NKAIN3: variants seen among roughly 807,000 people sequenced by gnomAD.
NKAIN3 encodes sodium/potassium-transporting ATPase subunit beta-1-interacting protein 3.
A neutral mutation model predicts 30.2 loss-of-function variants in NKAIN3; 25 were observed. That is an observed-to-expected ratio of 0.83 (90% CI 0.60 to 1.16). The LOEUF (loss-of-function observed/expected upper bound fraction) is 1.16, where lower values mean the gene tolerates loss of function less well. Ranked by LOEUF, NKAIN3 falls within the 50% of genes most tolerant of loss-of-function variation. The probability of loss-of-function intolerance (pLI) is 0.00; values close to 1 mark genes in which losing one functional copy is unlikely to be tolerated. For missense variants in NKAIN3, 225 were observed against 254.1 expected, an observed-to-expected ratio of 0.89 and a Z score of 0.78; for synonymous variants, 91 against 89.6, an observed-to-expected ratio of 1.02 and a Z score of -0.09.
intron 4 of NKAIN3, among the ~76,000 whole-genome samples, chr8:62,788,528 G>A (rs1022883780): frequency 2.0e-5 from 3 of 152,052 alleles, no homozygotes; most frequent in African/African-American, 7.2e-5. Flanking sequence ...TGCAGAGGCC[G>A]TTTAGTTTAA....
chr8:62,765,589 T>C (rs1301084970), intron 4 of NKAIN3, among the ~76,000 whole-genome samples: 2 of 152,206 alleles, frequency 1.3e-5, no homozygotes, highest in Non-Finnish European at 2.9e-5. Flanking sequence ...TAAGAAAGGA[T>C]GAGTCAACAA....
At chr8:62,676,260 C>A (rs1035193148) in intron 3 of NKAIN3, among the ~76,000 whole-genome samples, 3 of 152,316 alleles carry the variant, frequency 2.0e-5, no homozygotes, top group Admixed American at 1.3e-4. Flanking sequence ...TAGCTTAGAA[C>A]AGGACAGATA....
intron 3 of NKAIN3, among the ~76,000 whole-genome samples, chr8:62,634,732 A>T (rs1812072709): frequency 6.6e-6 from 1 of 152,104 alleles, no homozygotes; most frequent in South Asian, 2.1e-4. Context: ...TGTGGTGAAA[A>T]TTCTCCAAAA....
intron 1 of NKAIN3, among the ~76,000 whole-genome samples, chr8:62,291,278 A>T (rs963571397): frequency 7.2e-5 from 11 of 152,108 alleles, no homozygotes; most frequent in African/African-American, 2.4e-4. Context: ...GACTTCTGCT[A>T]GCTTTTGAAT....
rs932727403 is a variant in NKAIN3, at chr8:62,925,496, G to C, written c.532+6983G>C. Among the ~76,000 whole-genome samples the C allele has an allele frequency of 1.9e-4, 29 of 152,300 alleles. 1 individual carries two copies. Among genetic ancestry groups the C allele is most frequent in the Middle Eastern group, 6.8e-3 (2 of 294 alleles). On this transcript the variant is annotated intron_variant, in intron 5 of 6. Coordinates refer to ENST00000623646, the MANE Select transcript of NKAIN3 (RefSeq NM_001304533.3). ...ACATTATCTGGAAATTTTCTGGAGA[G>C]AAGGTGTAGCTTGTTTTGCCAAAAA...
At chr8:62,341,318 GAT>G in intron 1 of NKAIN3, among the ~76,000 whole-genome samples, 1 of 152,190 alleles carries the variant, frequency 6.6e-6, no homozygotes, top group East Asian at 1.9e-4. Context: ...TCAAGAAGGT[GAT>G]ATGAGTTCCC....
chr8:62,576,593 TA>T (rs1347830905), intron 1 of NKAIN3, among the ~76,000 whole-genome samples: 1 of 152,136 alleles, frequency 6.6e-6, no homozygotes, highest in Non-Finnish European at 1.5e-5. Context: ...GGTGTGCAGG[TA>T]AAAATTTAAC....
At chr8:62,904,817 A>T (rs1248227052) in intron 4 of NKAIN3, among the ~76,000 whole-genome samples, 1 of 152,232 alleles carries the variant, frequency 6.6e-6, no homozygotes, top group Non-Finnish European at 1.5e-5. Flanking sequence ...TCATCCTGAA[A>T]GAGCTTCATA....
At chr8:62,451,715 AG>A (rs1177071622) in intron 1 of NKAIN3, among the ~76,000 whole-genome samples, 3 of 152,214 alleles carry the variant, frequency 2.0e-5, no homozygotes, top group Non-Finnish European at 4.4e-5. Flanking sequence ...TAATTATCAA[AG>A]AGTTTTCTTG....
chr8:62,369,226 T>G (rs1343600976), intron 1 of NKAIN3, among the ~76,000 whole-genome samples: 1 of 152,126 alleles, frequency 6.6e-6, no homozygotes, highest in Admixed American at 6.6e-5. Flanking sequence ...TCTGTTGTTT[T>G]TGTGGCAAGC....
At chr8:62,800,378 C>A (rs1818015766) in intron 4 of NKAIN3, among the ~76,000 whole-genome samples, 2 of 152,128 alleles carry the variant, frequency 1.3e-5, no homozygotes, top group Middle Eastern at 3.2e-3. Context: ...TATTCTAGGA[C>A]TCTGGAGTAA....
intron 3 of NKAIN3, among the ~76,000 whole-genome samples, chr8:62,707,779 C>T (rs1814581533): frequency 6.6e-6 from 1 of 151,996 alleles, no homozygotes; most frequent in Admixed American, 6.6e-5. Flanking sequence ...CTTTTGGGTC[C>T]TCCATCATGA....
chr8:62,694,651 C>T (rs1814095650), intron 3 of NKAIN3, among the ~76,000 whole-genome samples: 1 of 152,150 alleles, frequency 6.6e-6, no homozygotes, highest in Non-Finnish European at 1.5e-5. Context: ...CTTACCTGGA[C>T]TGCCCTGATC....
At chr8:62,426,441 AC>A (rs1387974206) in intron 1 of NKAIN3, among the ~76,000 whole-genome samples, 1 of 152,008 alleles carries the variant, frequency 6.6e-6, no homozygotes, top group Non-Finnish European at 1.5e-5. Flanking sequence ...ATCTTAAACT[AC>A]TGGAGTATTT....
Position 62,870,673 on chromosome 8 carries a change from CTATA to C in NKAIN3, c.472-47776_472-47773del, listed in dbSNP as rs1382021461. 7.6e-5 allele frequency among the ~76,000 whole-genome samples: 10 copies of C among 130,952 alleles called. No individual in the cohort carries two copies. In the South Asian group the frequency reaches 2.4e-3, roughly 31 times the overall value. 85.9% of individuals were successfully genotyped at this position (130,952 alleles called of 152,430 possible). On this transcript the variant is annotated intron_variant, in intron 4 of 6. Coordinates refer to ENST00000623646, the MANE Select transcript of NKAIN3 (RefSeq NM_001304533.3). ...TCTATATCTAGATATATATAGATATCTATATATCTATATCTCTCTATCTATATAT... is the reference window on the plus strand; with the variant it reads ...TCTATATCTAGATATATATAGATATCTATCTATATCTCTCTATCTATATAT...
At chr8:62,456,597 G>A (rs890644937) in intron 1 of NKAIN3, among the ~76,000 whole-genome samples, 1 of 151,974 alleles carries the variant, frequency 6.6e-6, no homozygotes, top group African/African-American at 2.4e-5. Flanking sequence ...ATCTGAAGTC[G>A]GCATTCAGTC....
intron 3 of NKAIN3, among the ~76,000 whole-genome samples, chr8:62,664,833 C>A (rs894299669): frequency 6.6e-6 from 1 of 152,168 alleles, no homozygotes; most frequent in African/African-American, 2.4e-5. Flanking sequence ...AGAACTCCAG[C>A]TGAGAAAGAA....
intron 5 of NKAIN3, among the ~76,000 whole-genome samples, chr8:62,998,722 T>C (rs1441045750): frequency 6.6e-6 from 1 of 152,206 alleles, no homozygotes; most frequent in Non-Finnish European, 1.5e-5. Context: ...GTCATGCATA[T>C]TTTTTCCTTT....
At chr8:62,454,921 T>A (rs561438885) in intron 1 of NKAIN3, among the ~76,000 whole-genome samples, 213 of 152,374 alleles carry the variant, frequency 1.4e-3, no homozygotes, top group African/African-American at 5.0e-3. Flanking sequence ...TGTATAGTGA[T>A]CTTGGCTTGC....
Sources: gnomAD v4.1 joint callset for allele counts (sites outside exome capture counted in the v4.1 genomes callset) on GRCh38, gnomAD v4.1.1 for gene constraint, MANE v1.5 for transcripts, NCBI Gene and HGNC (gene_info 2026-07-23, HGNC 2026-07-21) for gene names.